The following AHCTF1 variants were observed in gnomAD, a reference collection of about 807,000 sequenced individuals.
The protein encoded by AHCTF1 is protein ELYS.
In AHCTF1, 24 loss-of-function variants were observed where a neutral mutation model predicts 248.4. That is an observed-to-expected ratio of 0.10 (90% confidence interval 0.07 to 0.14). AHCTF1 has a LOEUF of 0.14. Ranked by LOEUF, AHCTF1 falls within the 10% of genes least tolerant of loss-of-function variation. The pLI is 1.00. For missense variants in AHCTF1, 2,206 were observed against 2,636.2 expected (o/e 0.84, Z 3.57); for synonymous variants, 786 against 929.8 (o/e 0.85, Z 2.81).
At chr1:246,882,979 A>G (rs1405082788) in intron 21 of AHCTF1, among the ~76,000 whole-genome samples, 1 of 152,224 alleles carries the variant, frequency 6.6e-6, no homozygotes, top group Admixed American at 6.5e-5. Flanking sequence ...ATCCAAATCT[A>G]TTTGAGTCCA....
chr1:246,924,880 T>C (rs1311023447), intron 1 of AHCTF1, among the ~76,000 whole-genome samples: 2 of 152,224 alleles, frequency 1.3e-5, no homozygotes, highest in Admixed American at 6.5e-5. Flanking sequence ...TGTGCATCAA[T>C]AGGAAGCTAT....
At chr1:246,901,672 G>A (rs1279137700) in intron 8 of AHCTF1, among the ~76,000 whole-genome samples, 1 of 151,950 alleles carries the variant, frequency 6.6e-6, no homozygotes, top group Non-Finnish European at 1.5e-5. Context: ...ACAAAAATTA[G>A]CCAGGTGTGG....
intron 21 of AHCTF1, among the ~76,000 whole-genome samples, chr1:246,881,155 A>G (rs979948024): frequency 7.2e-5 from 11 of 152,376 alleles, no homozygotes; most frequent in African/African-American, 2.4e-4. Context: ...GGAAATATAC[A>G]TACAGAATAT....
chr1:246,888,651 G>A, intron 17 of AHCTF1, 134 bp from the exon 18 acceptor site: 1 of 1,139,880 alleles, frequency 8.8e-7, no homozygotes, highest in Non-Finnish European at 1.2e-6. Flanking sequence ...GCTTATGTCT[G>A]TAATCCCAGT....
intron 24 of AHCTF1, among the ~76,000 whole-genome samples, chr1:246,870,978 A>C (rs113929196): frequency 5.9e-5 from 9 of 152,220 alleles, no homozygotes; most frequent in African/African-American, 2.2e-4. Context: ...AAAACTAAAA[A>C]CAACCAAGCA....
chr1:246,885,439 C>T, intron 21 of AHCTF1, 54 bp downstream of exon 21: 1 of 1,440,254 alleles, frequency 6.9e-7, no homozygotes, highest in Non-Finnish European at 9.4e-7. Flanking sequence ...CTCATCAATT[C>T]CATTTTATTA....
chr1:246,876,988 C>A lies in AHCTF1; in HGVS notation c.2899G>T (p.Ala967Ser), dbSNP rs1425538715. The A allele has an allele frequency of 1.2e-6, 2 of 1,612,046 alleles. No individual in the cohort carries two copies. The highest frequency in any genetic ancestry group is 1.7e-6 in the Non-Finnish European group (2 of 1,179,896). ...HHLQRANYVP[A>S]LKLNQTLKIN... ...TTCAGAGTTTGGTTCAGCTTCAAGG[C>A]AGGCACATAATTGGCACGCTGCAAA... Residue 967 changes from alanine to serine, a missense_variant, in exon 23 of 36, where the codon GCC (alanine) becomes TCC (serine). Ala to Ser is a moderately conservative substitution (Grantham distance 99). This residue lies in a region of AHCTF1 where 955 missense variants were observed against 1,055.6 expected (regional missense o/e 0.90). Coordinates refer to ENST00000648844, the MANE Select transcript of AHCTF1 (RefSeq NM_001323342.2).
intron 20 of AHCTF1, 57 bp from the exon 21 acceptor site, chr1:246,885,737 G>A (rs1219604113): frequency 2.0e-6 from 3 of 1,476,326 alleles, no homozygotes; most frequent in African/African-American, 1.4e-5. Context: ...TTTAGACAAA[G>A]TAGGTAAACC....
rs1662945418 is a variant in AHCTF1 at position 246,876,152 on chromosome 1, C to T, written c.2973G>A (p.Leu991=). 6 of 1,602,738 alleles carry T rather than the reference C, an allele frequency of 3.7e-6. No individual in the cohort carries two copies. In the African/African-American group the frequency reaches 4.0e-5, roughly 11 times the overall value. The change falls in exon 24 of 36, where the codon CTG becomes CTA. Residue 991 remains leucine (L), a synonymous_variant. Coordinates refer to ENST00000648844, the MANE Select transcript of AHCTF1 (RefSeq NM_001323342.2). ...ACTGGTCTAATATAGAATTTCGAGC[C>T]AGTGATCTCTCCCGCAAACGAGGAT... ...DRDPRLRERS[L]ARNSILDQYG... is the part of the protein sequence containing the mutation.
At chr1:246,877,407 T>TG in intron 21 of AHCTF1, 105 bp from the exon 22 acceptor site, 3 of 1,228,610 alleles carry the variant, frequency 2.4e-6, no homozygotes, top group Non-Finnish European at 3.3e-6. Context: ...AAAGTATCTT[T>TG]ATAAATAATT....
At chr1:246,847,098 C>T (rs1374619940) in intron 33 of AHCTF1, among the ~76,000 whole-genome samples, 1 of 152,076 alleles carries the variant, frequency 6.6e-6, no homozygotes, top group Non-Finnish European at 1.5e-5. Flanking sequence ...ACTAGCTTGG[C>T]CAACATGGCG....
rs1265103452 is a variant in AHCTF1, at chr1:246,894,566, T to G, written c.1804+93A>C. 1.2e-5 allele frequency: 13 copies of G among 1,065,048 alleles called. 1 individual carries two copies. In the Admixed American group the frequency reaches 1.5e-4, roughly 12 times the overall value. The allele number at this position is 1,065,048 out of a possible 1,614,324, so 66.0% of individuals were successfully genotyped here. Reference sequence around the variant, plus strand: ...CAAAAAAAGAAAAGAGTTTACAACTTCAAAATGATTAAAAATTATGTACTT... The same window carrying G: ...CAAAAAAAGAAAAGAGTTTACAACTGCAAAATGATTAAAAATTATGTACTT... On this transcript the variant is annotated intron_variant, in intron 14 of 35. Transcript: ENST00000648844.
intron 33 of AHCTF1, among the ~76,000 whole-genome samples, chr1:246,847,344 G>T (rs767735464): frequency 6.6e-5 from 10 of 151,820 alleles, no homozygotes; most frequent in Non-Finnish European, 1.0e-4. Flanking sequence ...ATAAGTAGGG[G>T]GACAAAAGCA....
At chr1:246,929,004 A>C (rs1209782633) in intron 1 of AHCTF1, among the ~76,000 whole-genome samples, 2 of 152,212 alleles carry the variant, frequency 1.3e-5, no homozygotes, top group Non-Finnish European at 2.9e-5. Context: ...AATCTAGAAA[A>C]GGAGATATAT....
In AHCTF1 at chr1:246,851,361, C is replaced by G. The variant is rs775103193; in HGVS notation, c.4645G>C (p.Gly1549Arg). The G allele has an allele frequency of 6.2e-7, 1 of 1,614,024 alleles. No homozygotes were observed. The highest frequency in any genetic ancestry group is 8.5e-7 in the Non-Finnish European group (1 of 1,179,924). The change falls in exon 33 of 36, where the codon GGA becomes CGA. Residue 1549 changes from glycine to arginine, a missense_variant. Around this residue, in one of 6 missense-constraint regions of AHCTF1, gnomAD observed 955 missense variants for 1,055.6 expected, o/e 0.90. Coordinates refer to ENST00000648844, the MANE Select transcript of AHCTF1 (RefSeq NM_001323342.2). ...NLSFNELYPS[G>R]TLKLQYNFDT... ...AAATTGTACTGAAGCTTAAGTGTTC[C>G]AGAGGGATATAACTCATTAAATGAA...
At chr1:246,859,392 T>C (rs1271279967) in intron 29 of AHCTF1, among the ~76,000 whole-genome samples, 1 of 152,164 alleles carries the variant, frequency 6.6e-6, no homozygotes, top group Non-Finnish European at 1.5e-5. Context: ...GGCCCTCTTG[T>C]TAACCAAACT....
chr1:246,854,366 G>A lies in AHCTF1; in HGVS notation c.4355-1067C>T, dbSNP rs137861865. On this transcript the variant is annotated intron_variant, in intron 31 of 35. Coordinates refer to ENST00000648844, the MANE Select transcript of AHCTF1 (RefSeq NM_001323342.2). ...CAAGTCCATGGTTAGGAATCTACCC[G>A]AAAGAAATACTGACATAGAATGTAA... is the stretch of plus-strand genomic sequence containing the variant. 2.1e-3 allele frequency among the ~76,000 whole-genome samples: 314 copies of A among 150,946 alleles called. 1 individual carries two copies. The highest frequency in any genetic ancestry group is 6.9e-3 in the African/African-American group (282 of 41,078).
At chr1:246,863,073 T>G (rs1473302042) in intron 27 of AHCTF1, among the ~76,000 whole-genome samples, 5 of 152,228 alleles carry the variant, frequency 3.3e-5, no homozygotes, top group African/African-American at 1.2e-4. Flanking sequence ...TTCATTTCAT[T>G]TGAACCTAGC....
intron 5 of AHCTF1, among the ~76,000 whole-genome samples, chr1:246,906,968 T>C (rs972204505): frequency 6.6e-6 from 1 of 152,166 alleles, no homozygotes; most frequent in African/African-American, 2.4e-5. Flanking sequence ...AACACAGCCA[T>C]GTGTCACTTA....
Sources: gnomAD v4.1 joint callset for allele counts (sites outside exome capture counted in the v4.1 genomes callset) on GRCh38, gnomAD v4.1.1 for gene constraint, gnomAD v4.1.1 regional missense constraint, MANE v1.5 for transcripts, NCBI Gene and HGNC (gene_info 2026-07-23, HGNC 2026-07-21) for gene names.